Variants in ITSN1 observed in about 807,000 individuals in gnomAD.
ITSN1 encodes the protein intersectin-1.
In ITSN1, 58 loss-of-function variants were observed where a neutral mutation model predicts 239.8. That is an observed-to-expected ratio of 0.24 (90% CI 0.20 to 0.30). The LOEUF (loss-of-function observed/expected upper bound fraction) is 0.30. ITSN1 is among the 10% of genes least tolerant of loss of function. The pLI is 1.00. For synonymous variants in ITSN1, 780 were observed against 770.8 expected (o/e 1.01, Z -0.20); for missense variants, 1,558 against 2,103.3 (o/e 0.74, Z 5.07).
At chr21:33,709,312 G>C (rs191264972) in intron 1 of ITSN1, among the ~76,000 whole-genome samples, 1 of 152,236 alleles carries the variant, frequency 6.6e-6, no homozygotes, top group Admixed American at 6.6e-5. Context: ...ATATTTTGTA[G>C]TTCTAAGTGT....
chr21:33,838,370 G>C, intron 29 of ITSN1: 1 of 985,312 alleles, frequency 1.0e-6, no homozygotes, highest in Non-Finnish European at 1.2e-6. Context: ...TCGTTCAGTT[G>C]CACTTCAGTA....
At chr21:33,656,077 T>C (rs540000437) in intron 1 of ITSN1, among the ~76,000 whole-genome samples, 9 of 152,188 alleles carry the variant, frequency 5.9e-5, no homozygotes, top group Non-Finnish European at 1.2e-4. Flanking sequence ...AGCATTGAAA[T>C]GTAGTGACTC....
intron 5 of ITSN1, among the ~76,000 whole-genome samples, chr21:33,739,072 G>A (rs1402929458): frequency 2.0e-5 from 3 of 152,198 alleles, no homozygotes; most frequent in Non-Finnish European, 4.4e-5. Context: ...TGAGATTACA[G>A]CATAAGCCAT....
rs747085208 is a variant in ITSN1 at position 33,772,311 on chromosome 21, T to C, written c.1293T>C (p.Ile431=). Reference sequence around the variant, plus strand: ...GAGAGGAGGAGAGGAGGAAAGAAATTGAGAGGCGAGAGGTAAGCAGGCGAG... The same window carrying C: ...GAGAGGAGGAGAGGAGGAAAGAAATCGAGAGGCGAGAGGTAAGCAGGCGAG... ...RQREEERRKE[I]ERREAAKREL... Residue 431 remains isoleucine, a synonymous_variant, in exon 12 of 40, where the codon ATT becomes ATC. Coordinates refer to ENST00000381318, the MANE Select transcript of ITSN1 (RefSeq NM_003024.3). 31 of 1,553,820 alleles carry C rather than the reference T, an allele frequency of 2.0e-5. 1 individual carries two copies. Among genetic ancestry groups the C allele is most frequent in the Middle Eastern group, 3.4e-4 (2 of 5,896 alleles).
At chr21:33,823,458 C>T (rs2073805970) in intron 24 of ITSN1, 29 bp from the exon 25 acceptor site, 1 of 1,600,370 alleles carries the variant, frequency 6.2e-7, no homozygotes, top group African/African-American at 1.3e-5. Context: ...ATCAAGCTCT[C>T]TCCGTATCTC....
intron 1 of ITSN1, among the ~76,000 whole-genome samples, chr21:33,707,517 C>CA (rs2092289491): frequency 6.6e-6 from 1 of 152,202 alleles, no homozygotes; most frequent in African/African-American, 2.4e-5. Context: ...TCTGTTCCCC[C>CA]AAAAGGTTCT....
chr21:33,824,468 A>G (rs1028628530), intron 25 of ITSN1, among the ~76,000 whole-genome samples: 1 of 152,128 alleles, frequency 6.6e-6, no homozygotes, highest in African/African-American at 2.4e-5. Context: ...TTGACAGTCA[A>G]TTCACAGTTA....
rs1459709391 is a variant in ITSN1, at chr21:33,735,254, A to T, written c.346+50A>T. ...CTGTATTTTCTTGTATATTTTAAAAATAAATGTTTTCCTTTTTTTCCCTCT... is the reference window on the plus strand; with the variant it reads ...CTGTATTTTCTTGTATATTTTAAAATTAAATGTTTTCCTTTTTTTCCCTCT... On this transcript the variant is annotated intron_variant, in intron 5 of 39. Transcript: ENST00000381318. 3 of 1,565,560 alleles carry T rather than the reference A, an allele frequency of 1.9e-6. No individual in the cohort carries two copies. The Admixed American group carries it at 5.1e-5, about 27-fold the overall frequency.
intron 30 of ITSN1, 121 bp downstream of exon 30, chr21:33,856,978 AG>A (rs1218806064): frequency 1.1e-6 from 1 of 951,596 alleles, no homozygotes; most frequent in Non-Finnish European, 1.6e-6. Context: ...ATGTTTGAGG[AG>A]CATCTGGATG....
chr21:33,791,476 C>G (rs1338711432), intron 16 of ITSN1, among the ~76,000 whole-genome samples: 2 of 152,160 alleles, frequency 1.3e-5, no homozygotes, highest in African/African-American at 4.8e-5. Flanking sequence ...ATTTAAGTAT[C>G]TTTTTTCATG....
rs1052042643 is a variant in ITSN1, at chr21:33,799,744, TGTC to T, written c.2183-63_2183-61del. 3 of 1,567,922 alleles carry T rather than the reference TGTC, an allele frequency of 1.9e-6. No homozygotes were observed. The African/African-American group carries it at 4.1e-5, about 21-fold the overall frequency. On this transcript the variant is annotated intron_variant, in intron 18 of 39. Coordinates refer to ENST00000381318, the MANE Select transcript of ITSN1 (RefSeq NM_003024.3). ...AGGAGAGGTTAGTTGTTTGGCTTGT[TGTC>T]ATACATTTGTGTTCTCTGTAATTAT...
chr21:33,729,759 G>A (rs2066053046), intron 4 of ITSN1, among the ~76,000 whole-genome samples: 1 of 152,208 alleles, frequency 6.6e-6, no homozygotes, highest in Admixed American at 6.5e-5. Flanking sequence ...AAAGTGCTCA[G>A]TAAGTCGGCA....
At chr21:33,832,320 C>T (rs749601909) in intron 27 of ITSN1, among the ~76,000 whole-genome samples, 6 of 152,202 alleles carry the variant, frequency 3.9e-5, no homozygotes, top group African/African-American at 7.2e-5. Flanking sequence ...GCACTGGCCC[C>T]GTGCCGGCAC....
chr21:33,896,937 G>C lies in ITSN1; in HGVS notation c.*8637G>C, dbSNP rs1248317567. On this transcript the variant is annotated 3_prime_UTR_variant, in exon 40 of 40. Coordinates refer to ENST00000381318, the MANE Select transcript of ITSN1 (RefSeq NM_003024.3). ...CACCTGGATTTGATTGAGTCACCTT[G>C]AATGACATAACAAATTATGGCTTTG... 6.6e-6 allele frequency: 1 copy of C among 152,214 alleles called. No individual in the cohort carries two copies. Among genetic ancestry groups the C allele is most frequent in the Non-Finnish European group, 1.5e-5 (1 of 68,030 alleles). The allele number at this position is 152,214 out of a possible 1,614,324, so 9.4% of individuals were successfully genotyped here.
In ITSN1 at chr21:33,767,133, A is replaced by G. The variant is rs182209949; in HGVS notation, c.927-580A>G. On this transcript the variant is annotated intron_variant, in intron 10 of 39. Coordinates refer to ENST00000381318, the MANE Select transcript of ITSN1 (RefSeq NM_003024.3). ...CAGTGAGCCAAGATTGCACCATTGC[A>G]CTCCAGCCTGGGGGACAAGAGTGAG... Among the ~76,000 whole-genome samples the G allele has an allele frequency of 6.3e-3, 966 of 152,276 alleles. 43 individuals carry two copies. Among genetic ancestry groups the G allele is most frequent in the Admixed American group, 0.058 (889 of 15,284 alleles).
At chr21:33,775,313 C>T (rs750599166) in intron 14 of ITSN1, among the ~76,000 whole-genome samples, 9 of 152,184 alleles carry the variant, frequency 5.9e-5, no homozygotes, top group African/African-American at 2.2e-4. Flanking sequence ...AGCACTGCTT[C>T]GGGCCAGGTG....
chr21:33,806,518 T>G (rs765582439), intron 20 of ITSN1, among the ~76,000 whole-genome samples: 1 of 152,244 alleles, frequency 6.6e-6, no homozygotes, highest in African/African-American at 2.4e-5. Flanking sequence ...AGGTGTAATA[T>G]CATCGGCCTT....
chr21:33,802,086 T>C (rs1316171857), intron 19 of ITSN1, among the ~76,000 whole-genome samples: 2 of 152,260 alleles, frequency 1.3e-5, no homozygotes, highest in Non-Finnish European at 2.9e-5. Context: ...AATTTTTTTT[T>C]TAATGTTAAA....
chr21:33,779,492 C>T (rs1488930583), intron 14 of ITSN1, among the ~76,000 whole-genome samples: 6 of 152,112 alleles, frequency 3.9e-5, no homozygotes, highest in Admixed American at 3.9e-4. Context: ...ATTCTATGGG[C>T]GCTTGAAAAG....
Sources: gnomAD v4.1 joint callset for allele counts (sites outside exome capture counted in the v4.1 genomes callset) on GRCh38, gnomAD v4.1.1 for gene constraint, MANE v1.5 for transcripts, NCBI Gene and HGNC (gene_info 2026-07-23, HGNC 2026-07-21) for gene names.